Variants in TTLL5 observed in about 807,000 individuals in gnomAD.
The protein encoded by TTLL5 is tubulin tyrosine ligase like 5.
In TTLL5, 132 loss-of-function variants were observed where a neutral mutation model predicts 168.4. The ratio of observed to expected loss-of-function variants is 0.78; its 90% CI spans 0.68 to 0.91. The LOEUF (loss-of-function observed/expected upper bound fraction) is 0.91. TTLL5 is among the 40% of genes least tolerant of loss of function. The pLI is 0.00. For synonymous variants in TTLL5, 546 were observed against 558.6 expected (o/e 0.98, Z 0.32); for missense variants, 1,545 against 1,581.5 (o/e 0.98, Z 0.39).
chr14:75,787,454 T>TA (rs1383256022), intron 26 of TTLL5, among the ~76,000 whole-genome samples: 1 of 152,188 alleles, frequency 6.6e-6, no homozygotes, highest in Non-Finnish European at 1.5e-5. Context: ...AGTCAAAAGT[T>TA]AAACAATTCT....
Position 75,925,735 on chromosome 14 carries a change from C to G in TTLL5, c.3823+23511C>G, listed in dbSNP as rs1318415233. Among the ~76,000 whole-genome samples the G allele has an allele frequency of 2.0e-5, 3 of 152,112 alleles. No homozygotes were observed. In the East Asian group the frequency reaches 5.8e-4, roughly 29 times the overall value. On this transcript the variant is annotated intron_variant, in intron 31 of 31. Transcript: ENST00000298832. Reference sequence around the variant, plus strand: ...TGGAGGTTGTAGCAAGCCGAGATCACGCCACTGCACTCCAGCCTGGGCACC... The same window carrying G: ...TGGAGGTTGTAGCAAGCCGAGATCAGGCCACTGCACTCCAGCCTGGGCACC...
At chr14:75,681,484 GT>G in intron 3 of TTLL5, 60 bp from the exon 4 acceptor site, 1 of 1,343,356 alleles carries the variant, frequency 7.4e-7, no homozygotes. Flanking sequence ...CCATGTTACA[GT>G]TTATTTTTGT....
intron 28 of TTLL5, among the ~76,000 whole-genome samples, chr14:75,854,241 T>C (rs1359095026): frequency 6.6e-6 from 1 of 152,234 alleles, no homozygotes; most frequent in Non-Finnish European, 1.5e-5. Flanking sequence ...CCTCTCACTG[T>C]AGATTTGCTG....
At chr14:75,901,342 G>A (rs1291889765) in intron 30 of TTLL5, among the ~76,000 whole-genome samples, 1 of 152,182 alleles carries the variant, frequency 6.6e-6, no homozygotes, top group Admixed American at 6.5e-5. Context: ...AATTAGAGCT[G>A]TAAGCGCCTT....
At chr14:75,844,502 A>G (rs981261450) in intron 28 of TTLL5, among the ~76,000 whole-genome samples, 1 of 152,232 alleles carries the variant, frequency 6.6e-6, no homozygotes, top group African/African-American at 2.4e-5. Context: ...TTGTGGAGAC[A>G]TCAAGACTTA....
chr14:75,815,139 G>GT (rs1894316711), intron 27 of TTLL5, among the ~76,000 whole-genome samples: 1 of 152,200 alleles, frequency 6.6e-6, no homozygotes, highest in Admixed American at 6.5e-5. Context: ...GGTGAGGGAT[G>GT]TAGGGGTGTT....
intron 12 of TTLL5, among the ~76,000 whole-genome samples, chr14:75,725,187 C>A (rs1401841498): frequency 1.3e-5 from 2 of 152,236 alleles, no homozygotes; most frequent in African/African-American, 4.8e-5. Context: ...GACCATTTCA[C>A]AGGGTAACCT....
intron 7 of TTLL5, among the ~76,000 whole-genome samples, chr14:75,705,056 A>T (rs770717605): frequency 1.3e-5 from 2 of 152,238 alleles, no homozygotes; most frequent in Non-Finnish European, 2.9e-5. Context: ...TACGTTTACA[A>T]CATAGCCTGC....
At chr14:75,687,471 A>G (rs1490742921) in intron 5 of TTLL5, among the ~76,000 whole-genome samples, 2 of 152,046 alleles carry the variant, frequency 1.3e-5, no homozygotes, top group Non-Finnish European at 2.9e-5. Flanking sequence ...ACGGGGTTTC[A>G]TCGTGTTGGT....
At chr14:75,731,224 G>A (rs1036912515) in intron 12 of TTLL5, among the ~76,000 whole-genome samples, 12 of 152,094 alleles carry the variant, frequency 7.9e-5, no homozygotes, top group Admixed American at 7.9e-4. Flanking sequence ...GCTCTGGTCT[G>A]TGACCTCTGA....
chr14:75,839,684 CCT>C (rs1227444100), intron 28 of TTLL5, among the ~76,000 whole-genome samples: 3 of 152,134 alleles, frequency 2.0e-5, no homozygotes, highest in African/African-American at 7.2e-5. Context: ...CCCACCGGTC[CCT>C]CTCACAACAC....
chr14:75,672,534 C>T (rs1010384160), intron 3 of TTLL5, among the ~76,000 whole-genome samples: 5 of 152,200 alleles, frequency 3.3e-5, no homozygotes, highest in South Asian at 2.1e-4. Context: ...TGAGCCACCA[C>T]GCCCGGCCTA....
At chr14:75,677,595 C>G (rs1341403269) in intron 3 of TTLL5, among the ~76,000 whole-genome samples, 3 of 150,952 alleles carry the variant, frequency 2.0e-5, no homozygotes, top group Non-Finnish European at 4.4e-5. Flanking sequence ...TGGGGTTTCA[C>G]CATGTTTCCC....
At chr14:75,845,204 GT>G (rs947172787) in intron 28 of TTLL5, among the ~76,000 whole-genome samples, 5 of 152,044 alleles carry the variant, frequency 3.3e-5, no homozygotes, top group East Asian at 1.9e-4. Context: ...AGTAGCAGGA[GT>G]TTTTTTTCTT....
chr14:75,795,038 C>T (rs1380712879), intron 27 of TTLL5, among the ~76,000 whole-genome samples: 2 of 151,916 alleles, frequency 1.3e-5, no homozygotes, highest in African/African-American at 4.8e-5. Flanking sequence ...GCAGTTAATT[C>T]CATTGTTCTG....
chr14:75,720,261 A>G (rs1324032810), intron 11 of TTLL5, among the ~76,000 whole-genome samples: 1 of 152,242 alleles, frequency 6.6e-6, no homozygotes, highest in Non-Finnish European at 1.5e-5. Flanking sequence ...AGCCTTGAGC[A>G]GAACGGGAAA....
chr14:75,924,760 G>A lies in TTLL5; in HGVS notation c.3823+22536G>A, dbSNP rs1414465134. Among the ~76,000 whole-genome samples the A allele has an allele frequency of 2.0e-5, 3 of 151,814 alleles. No individual in the cohort carries two copies. The South Asian group carries it at 6.3e-4, about 32-fold the overall frequency. On this transcript the variant is annotated intron_variant, in intron 31 of 31. Coordinates refer to ENST00000298832, the MANE Select transcript of TTLL5 (RefSeq NM_015072.5). The stretch of plus-strand genomic sequence containing the variant: ...TCCCCCCTTTCTATTCCACAAAACC[G>A]CCATTGTCATCCCGGCCCGCTCTCA...
At chr14:75,939,541 C>G (rs1010376152) in intron 31 of TTLL5, among the ~76,000 whole-genome samples, 1 of 152,098 alleles carries the variant, frequency 6.6e-6, no homozygotes, top group Non-Finnish European at 1.5e-5. Flanking sequence ...TGCAACACCA[C>G]GTCCAGCTAA....
chr14:75,761,097 G>A (rs1890614104), intron 18 of TTLL5, among the ~76,000 whole-genome samples: 1 of 152,086 alleles, frequency 6.6e-6, no homozygotes, highest in Admixed American at 6.5e-5. Context: ...CACTTCAAAA[G>A]GAAGATATAT....
Sources: gnomAD v4.1 joint callset for allele counts (sites outside exome capture counted in the v4.1 genomes callset) on GRCh38, gnomAD v4.1.1 for gene constraint, MANE v1.5 for transcripts, NCBI Gene and HGNC (gene_info 2026-07-23, HGNC 2026-07-21) for gene names.